The following GTPBP10 variants were observed in gnomAD, a reference collection of about 807,000 sequenced individuals.
GTPBP10 encodes the protein GTP binding protein 10.
GTPBP10 carries 38 observed loss-of-function variants against 44.8 expected under a neutral mutation model. That is an observed-to-expected ratio of 0.85 (90% CI 0.65 to 1.11). The LOEUF is 1.11. GTPBP10 is among the 50% of genes most tolerant of loss of function. The pLI, the probability that GTPBP10 is intolerant of heterozygous loss-of-function variation, is 0.00. For missense variants in GTPBP10, 462 were observed against 453.7 expected (o/e 1.02, Z -0.17); for synonymous variants, 152 against 150.6 (o/e 1.01, Z -0.07).
chr7:90,356,540 AG>A (rs1258314006), intron 4 of GTPBP10, among the ~76,000 whole-genome samples: 1 of 152,192 alleles, frequency 6.6e-6, no homozygotes, highest in Non-Finnish European at 1.5e-5. Context: ...GACTCAGGTT[AG>A]ACTATTTAGG....
chr7:90,357,697 T>G (rs1795931455), intron 4 of GTPBP10, among the ~76,000 whole-genome samples: 1 of 152,184 alleles, frequency 6.6e-6, no homozygotes, highest in South Asian at 2.1e-4. Flanking sequence ...ACGAAGTCAG[T>G]GCTCAATAAA....
At position 90,384,424 on chromosome 7, in the gene GTPBP10, C is replaced by G. The variant is rs1290411515; in HGVS notation, c.902-468C>G. ...TCTTCCCTTGAATTCTCTATAATCC[C>G]TCTTCAGTTTTTGTATGGATCCTAG... On this transcript the variant is annotated intron_variant, in intron 9 of 9. Coordinates refer to ENST00000222511, the MANE Select transcript of GTPBP10 (RefSeq NM_033107.4). Among the ~76,000 whole-genome samples, 4 of 152,152 alleles carry G rather than the reference C, an allele frequency of 2.6e-5. No individual in the cohort carries two copies. In the East Asian group the frequency reaches 7.7e-4, roughly 29 times the overall value.
intron 2 of GTPBP10, among the ~76,000 whole-genome samples, chr7:90,354,114 G>A (rs572320911): frequency 5.9e-5 from 9 of 152,180 alleles, no homozygotes; most frequent in Admixed American, 2.6e-4. Context: ...GATTACAGGC[G>A]TGAGCCACCA....
chr7:90,354,684 T>C lies in GTPBP10; in HGVS notation c.319+135T>C, dbSNP rs180735645. 9.3e-5 allele frequency: 47 copies of C among 505,000 alleles called. No homozygotes were observed. In the Middle Eastern group the frequency reaches 1.4e-3, roughly 15 times the overall value. The allele number at this position is 505,000 out of a possible 1,614,324, so 31.3% of individuals were successfully genotyped here. A position where few individuals can be genotyped will look rare whatever the true frequency, so the allele number is the denominator to read the frequency against. ...CTACTATTCTATAAGAGAGCATTTTTAAAACTTATAAAAGTTAAATTGACT... is the reference window on the plus strand; with the variant it reads ...CTACTATTCTATAAGAGAGCATTTTCAAAACTTATAAAAGTTAAATTGACT... On this transcript the variant is annotated intron_variant, in intron 3 of 9. Transcript: ENST00000222511.
chr7:90,382,149 T>C (rs1796444592), intron 8 of GTPBP10, among the ~76,000 whole-genome samples: 2 of 152,098 alleles, frequency 1.3e-5, no homozygotes, highest in African/African-American at 4.8e-5. Context: ...TATTTGTAAA[T>C]CATATATCTG....
At position 90,346,737 on chromosome 7, in the gene GTPBP10, C is replaced by T. The variant is rs11563905; in HGVS notation, c.-5C>T. Reference sequence around the variant, plus strand: ...CGCAAGAAGGTTTCCTGGCCTGTTGCAGCCATGGTGCATTGCAGTTGCGTG... The same window carrying T: ...CGCAAGAAGGTTTCCTGGCCTGTTGTAGCCATGGTGCATTGCAGTTGCGTG... On this transcript the variant is annotated 5_prime_UTR_variant, in exon 1 of 10. Coordinates refer to ENST00000222511, the MANE Select transcript of GTPBP10 (RefSeq NM_033107.4). 34,994 of 1,614,178 alleles carry T rather than the reference C, an allele frequency of 0.022. 436 individuals carry two copies. Among genetic ancestry groups the T allele is most frequent in the Middle Eastern group, 0.039 (234 of 6,062 alleles).
chr7:90,383,184 A>C (rs1796462075), intron 9 of GTPBP10, 105 bp downstream of exon 9: 1 of 740,846 alleles, frequency 1.3e-6, no homozygotes, highest in African/African-American at 1.8e-5. Flanking sequence ...CTTAAAAGTC[A>C]AGTTTGAAGA....
intron 8 of GTPBP10, among the ~76,000 whole-genome samples, chr7:90,380,446 A>G (rs1045791983): frequency 2.0e-5 from 3 of 151,924 alleles, no homozygotes; most frequent in Non-Finnish European, 1.5e-5. Flanking sequence ...TTGTCTTTTC[A>G]CTTTTTCAGT....
chr7:90,381,795 A>C (rs1796439786), intron 8 of GTPBP10, among the ~76,000 whole-genome samples: 1 of 152,224 alleles, frequency 6.6e-6, no homozygotes, highest in Non-Finnish European at 1.5e-5. Flanking sequence ...AAAGGTACCT[A>C]GAACACACAG....
chr7:90,381,056 C>T (rs1933455155), intron 8 of GTPBP10, among the ~76,000 whole-genome samples: 1 of 152,090 alleles, frequency 6.6e-6, no homozygotes, highest in Non-Finnish European at 1.5e-5. Context: ...AGGTTGATTC[C>T]ATGTCTCGGC....
At position 90,385,173 on chromosome 7, in the gene GTPBP10, T is replaced by C. The variant is rs1157698642; in HGVS notation, c.*19T>C. On this transcript the variant is annotated 3_prime_UTR_variant, in exon 10 of 10. Coordinates refer to ENST00000222511, the MANE Select transcript of GTPBP10 (RefSeq NM_033107.4). ...AATTTAAATATATTAAAAATGGTAT[T>C]GATGGAACAGTATTTAATGCTTAAA... The C allele has an allele frequency of 6.5e-7, 1 of 1,531,828 alleles. No homozygotes were observed. 94.9% of individuals were successfully genotyped at this position (1,531,828 alleles called of 1,614,324 possible). A position where few individuals can be genotyped will look rare whatever the true frequency, so the allele number is the denominator to read the frequency against.
rs755791969 is a variant in GTPBP10, at chr7:90,377,610, T to C, written c.695T>C (p.Phe232Ser). 31 of 1,590,058 alleles carry C rather than the reference T, an allele frequency of 1.9e-5. No individual in the cohort carries two copies. Among genetic ancestry groups the C allele is most frequent in the East Asian group, 1.1e-4 (5 of 44,606 alleles). The change falls in exon 7 of 10, where the codon TTT becomes TCT. Residue 232 changes from phenylalanine (F) to serine (S), a missense_variant. Coordinates refer to ENST00000222511, the MANE Select transcript of GTPBP10 (RefSeq NM_033107.4). The stretch of plus-strand genomic sequence containing the variant: ...ATAGAAAGAACTAGACAACTACTTT[T>C]TGTTGTAAGTCATATGTATACTAAT... ...KHIERTRQLL[F>S]VVDISGFQLS...
intron 4 of GTPBP10, among the ~76,000 whole-genome samples, chr7:90,370,908 G>A (rs1584641031): frequency 6.6e-6 from 1 of 151,926 alleles, no homozygotes; most frequent in African/African-American, 2.4e-5. Flanking sequence ...TTGGGAGGCT[G>A]AGGCAGGAGA....
chr7:90,377,017 A>C (rs1796353973), intron 6 of GTPBP10, among the ~76,000 whole-genome samples: 1 of 152,156 alleles, frequency 6.6e-6, no homozygotes. Flanking sequence ...TGAGGATAGG[A>C]GTTTGAGAGC....
Position 90,353,004 on chromosome 7 carries a change from C to T in GTPBP10, c.222C>T (p.Asn74=). 1 of 1,574,502 alleles carries T rather than the reference C, an allele frequency of 6.4e-7. No homozygotes were observed. The highest frequency in any genetic ancestry group is 8.6e-7 in the Non-Finnish European group (1 of 1,157,054). Residue 74 remains asparagine (N), a synonymous_variant, in exon 2 of 10, where the codon AAC becomes AAT. Transcript: ENST00000222511. The stretch of plus-strand genomic sequence containing the variant: ...GGTTTGTGGCTGGAGTAGGAGCAAA[C>T]AGCAAGTAAGTAATTACTGAATGAC... The part of the protein sequence containing the change: ...RKRFVAGVGA[N]SKISALKGSK...
intron 4 of GTPBP10, among the ~76,000 whole-genome samples, chr7:90,362,645 A>G (rs1424541473): frequency 6.6e-6 from 1 of 152,188 alleles, no homozygotes; most frequent in Non-Finnish European, 1.5e-5. Context: ...GATGTCTATT[A>G]GGTCCTCATG....
In GTPBP10 at chr7:90,371,763, A is replaced by G. The variant is rs570164323; in HGVS notation, c.465-392A>G. Among the ~76,000 whole-genome samples the G allele has an allele frequency of 5.9e-5, 9 of 152,296 alleles. No individual in the cohort carries two copies. The East Asian group carries it at 1.3e-3, about 23-fold the overall frequency. ...TCATTACACCTCTCTACTTTTGTAT[A>G]TGTTTGAAACTGTCTATAAAATTTT... On this transcript the variant is annotated intron_variant, in intron 4 of 9. Coordinates refer to ENST00000222511, the MANE Select transcript of GTPBP10 (RefSeq NM_033107.4).
intron 8 of GTPBP10, among the ~76,000 whole-genome samples, chr7:90,380,235 C>T (rs763328203): frequency 5.3e-5 from 8 of 151,932 alleles, no homozygotes; most frequent in Non-Finnish European, 1.2e-4. Context: ...TGTGCCACCA[C>T]GCCCATCTAA....
At position 90,357,560 on chromosome 7, in the gene GTPBP10, G is replaced by T. The variant is rs1232658942; in HGVS notation, c.464+2330G>T. Among the ~76,000 whole-genome samples, 3 of 152,114 alleles carry T rather than the reference G, an allele frequency of 2.0e-5. No homozygotes were observed. The East Asian group carries it at 5.8e-4, about 29-fold the overall frequency. Reference sequence around the variant, plus strand: ...TTTATAAAATTCCAAATTAATATTTGCAGAATATTCCACCATTATTCCAAA... The same window carrying T: ...TTTATAAAATTCCAAATTAATATTTTCAGAATATTCCACCATTATTCCAAA... On this transcript the variant is annotated intron_variant, in intron 4 of 9. Transcript: ENST00000222511.
Sources: allele counts gnomAD v4.1 joint callset (sites outside exome capture counted in the v4.1 genomes callset), GRCh38; gene constraint gnomAD v4.1.1; transcripts MANE v1.5; gene names NCBI Gene and HGNC (gene_info 2026-07-23, HGNC 2026-07-21).